The following COP1 variants were observed in gnomAD, a reference collection of about 807,000 sequenced individuals.
COP1 encodes E3 ubiquitin-protein ligase COP1.
In COP1, 24 loss-of-function variants were observed where a neutral mutation model predicts 101.3. The ratio of observed to expected loss-of-function variants is 0.24; its 90% CI spans 0.17 to 0.33. The LOEUF is 0.33. COP1 is among the 10% of genes least tolerant of loss of function. The pLI is 1.00. For missense variants in COP1, 663 were observed against 906.2 expected, an observed-to-expected ratio of 0.73 and a Z score of 3.45; for synonymous variants, 347 against 341.9, an observed-to-expected ratio of 1.01 and a Z score of -0.17.
rs543488284 is a variant in COP1 at position 175,993,887 on chromosome 1, T to C, written c.1730-4408A>G. Among the ~76,000 whole-genome samples, 713 of 152,092 alleles carry C rather than the reference T, an allele frequency of 4.7e-3. 7 individuals carry two copies. Among genetic ancestry groups the C allele is most frequent in the African/African-American group, 0.015 (603 of 41,456 alleles). On this transcript the variant is annotated intron_variant, in intron 15 of 19. Coordinates refer to ENST00000367669, the MANE Select transcript of COP1 (RefSeq NM_022457.7). ...GGCCAACTTTCAGATTCAGGAAATATAGAGAACGCCACAAAGATACTCCTC... is the reference window on the plus strand; with the variant it reads ...GGCCAACTTTCAGATTCAGGAAATACAGAGAACGCCACAAAGATACTCCTC...
At chr1:175,952,071 C>A (rs1391300833) in intron 18 of COP1, among the ~76,000 whole-genome samples, 1 of 152,106 alleles carries the variant, frequency 6.6e-6, no homozygotes, top group Non-Finnish European at 1.5e-5. Flanking sequence ...AGAAAGATCG[C>A]CAATTTCCCA....
At chr1:176,158,831 G>A (rs952937494) in intron 5 of COP1, among the ~76,000 whole-genome samples, 1 of 151,820 alleles carries the variant, frequency 6.6e-6, no homozygotes, top group Admixed American at 6.6e-5. Context: ...AGTAGAGACA[G>A]GGTTTTACCA....
In COP1 at chr1:176,206,946, G is replaced by A; in HGVS notation, c.33C>T (p.Ser11=). MSGSRQAGSG[S]AGTSPGSSAA... is the part of the protein sequence containing the mutation. ...CCGAGGACCCGGGGCTTGTCCCAGC[G>A]GAGCCCGACCCGGCCTGGCGGCTAC... The change falls in exon 1 of 20, where the codon TCC becomes TCT. Residue 11 remains serine (S), a synonymous_variant. Coordinates refer to ENST00000367669, the MANE Select transcript of COP1 (RefSeq NM_022457.7). 3.4e-6 allele frequency: 5 copies of A among 1,451,420 alleles called. No individual in the cohort carries two copies. Among genetic ancestry groups the A allele is most frequent in the Non-Finnish European group, 4.5e-6 (5 of 1,105,798 alleles). The allele number at this position is 1,451,420 out of a possible 1,614,324, so 89.9% of individuals were successfully genotyped here. A position where few individuals can be genotyped will look rare whatever the true frequency, so the allele number is the denominator to read the frequency against.
intron 18 of COP1, among the ~76,000 whole-genome samples, chr1:175,975,748 G>A (rs1476701548): frequency 6.6e-6 from 1 of 151,732 alleles, no homozygotes; most frequent in African/African-American, 2.4e-5. Context: ...GATTTGGAAG[G>A]ACAAAATGAA....
chr1:176,122,238 A>G (rs983092785), intron 8 of COP1, among the ~76,000 whole-genome samples: 2 of 152,132 alleles, frequency 1.3e-5, no homozygotes, highest in African/African-American at 4.8e-5. Context: ...ATTTAAAGGT[A>G]AAAATAAAAA....
chr1:176,184,760 G>A, intron 1 of COP1, 68 bp from the exon 2 acceptor site: 4 of 1,049,618 alleles, frequency 3.8e-6, no homozygotes, highest in Non-Finnish European at 4.4e-6. Flanking sequence ...GAAAAGACTA[G>A]TAACAATACC....
chr1:175,988,278 T>C lies in COP1; in HGVS notation c.1972+10A>G. On this transcript the variant is annotated intron_variant, in intron 17 of 19. Coordinates refer to ENST00000367669, the MANE Select transcript of COP1 (RefSeq NM_022457.7). The stretch of plus-strand genomic sequence containing the variant: ...GTTAAAAAGTTCCTGGAAACGATGG[T>C]TTCACTTACCACAAGCTATATAATC... 1.9e-6 allele frequency: 3 copies of C among 1,588,718 alleles called. No individual in the cohort carries two copies. Among genetic ancestry groups the C allele is most frequent in the South Asian group, 2.3e-5 (2 of 87,570 alleles).
intron 15 of COP1, among the ~76,000 whole-genome samples, chr1:176,001,107 C>G (rs1283401528): frequency 6.6e-6 from 1 of 152,070 alleles, no homozygotes; most frequent in Non-Finnish European, 1.5e-5. Context: ...GTGCAGCTCA[C>G]TACCAAAGCG....
intron 18 of COP1, among the ~76,000 whole-genome samples, chr1:175,975,163 A>G (rs1412495308): frequency 6.6e-6 from 1 of 152,162 alleles, no homozygotes; most frequent in Non-Finnish European, 1.5e-5. Flanking sequence ...TGTATCTAAA[A>G]TACATAGGAT....
intron 15 of COP1, among the ~76,000 whole-genome samples, chr1:176,006,250 G>A (rs1035101323): frequency 2.6e-5 from 4 of 152,018 alleles, no homozygotes; most frequent in Non-Finnish European, 5.9e-5. Flanking sequence ...GTCTCTGCAC[G>A]TGAGATGGGT....
At chr1:176,161,610 AAAAG>A (rs927912762) in intron 5 of COP1, among the ~76,000 whole-genome samples, 17 of 152,236 alleles carry the variant, frequency 1.1e-4, no homozygotes, top group African/African-American at 3.9e-4. Flanking sequence ...CCTTAAAAAA[AAAAG>A]AAAGTCTTTT....
chr1:176,196,806 A>C (rs1169704209), intron 1 of COP1, among the ~76,000 whole-genome samples: 3 of 151,954 alleles, frequency 2.0e-5, no homozygotes, highest in Non-Finnish European at 4.4e-5. Flanking sequence ...TTGAGAGGTC[A>C]AAGCACGGGA....
intron 14 of COP1, among the ~76,000 whole-genome samples, chr1:176,029,957 T>C (rs1187861560): frequency 6.6e-6 from 1 of 152,114 alleles, no homozygotes; most frequent in Non-Finnish European, 1.5e-5. Context: ...TTATTAGTAG[T>C]AGTATTTTTT....
At chr1:176,065,744 G>A (rs571897239) in intron 11 of COP1, among the ~76,000 whole-genome samples, 4 of 137,574 alleles carry the variant, frequency 2.9e-5, no homozygotes, top group East Asian at 4.1e-4. Flanking sequence ...GTCTTGCTCC[G>A]TTGCCTAGGT....
At chr1:175,972,194 T>C (rs977150852) in intron 18 of COP1, among the ~76,000 whole-genome samples, 3 of 152,240 alleles carry the variant, frequency 2.0e-5, no homozygotes, top group South Asian at 2.1e-4. Context: ...ATAACAAGTA[T>C]AGGGTTTAGA....
chr1:176,085,345 C>G (rs1254666588), intron 10 of COP1, among the ~76,000 whole-genome samples: 3 of 151,980 alleles, frequency 2.0e-5, no homozygotes, highest in Non-Finnish European at 4.4e-5. Context: ...CATAATATCA[C>G]ACAGAACTGT....
intron 18 of COP1, among the ~76,000 whole-genome samples, chr1:175,963,180 A>G (rs899951731): frequency 6.6e-6 from 1 of 151,934 alleles, no homozygotes; most frequent in Admixed American, 6.6e-5. Context: ...CTATGATAAT[A>G]CTCTCATGGG....
intron 18 of COP1, among the ~76,000 whole-genome samples, chr1:175,965,521 T>C (rs536973748): frequency 6.6e-6 from 1 of 152,278 alleles, no homozygotes; most frequent in South Asian, 2.1e-4. Context: ...AAAATTCAAA[T>C]TTCTTTTGTT....
intron 7 of COP1, among the ~76,000 whole-genome samples, chr1:176,135,798 C>A (rs1558180557): frequency 6.6e-6 from 1 of 152,018 alleles, no homozygotes; most frequent in Non-Finnish European, 1.5e-5. Flanking sequence ...CTAGCTAATG[C>A]AACCTCAGCT....
Sources: allele counts gnomAD v4.1 joint callset (sites outside exome capture counted in the v4.1 genomes callset), GRCh38; gene constraint gnomAD v4.1.1; transcripts MANE v1.5; gene names NCBI Gene and HGNC (gene_info 2026-07-23, HGNC 2026-07-21).